CASK: variants seen among roughly 807,000 people sequenced by gnomAD.
The protein encoded by CASK is calcium/calmodulin dependent serine protein kinase.
CASK carries 4 observed loss-of-function variants against 82.9 expected under a neutral mutation model. The observed-to-expected ratio is 0.05, with a 90% CI of 0.02 to 0.11. CASK has a LOEUF of 0.11. Among genes scored for constraint, CASK ranks in the 10% least tolerant of loss-of-function variants. The probability of loss-of-function intolerance (pLI) is 1.00; values close to 1 mark genes in which losing one functional copy is unlikely to be tolerated. For missense variants in CASK, 358 were observed against 720.9 expected (o/e 0.50, Z 5.76); for synonymous variants, 259 against 253.5 (o/e 1.02, Z -0.20).
At chrX:41,647,724 AAATT>A (rs1202751664) in intron 8 of CASK, among the ~76,000 whole-genome samples, 1 of 112,002 alleles carries the variant, frequency 8.9e-6, no homozygotes, top group East Asian at 2.8e-4. Context: ...TTAGTTCCCC[AAATT>A]AATACTTTTG....
intron 5 of CASK, chrX:41,695,750 A>C (rs2067675010): frequency 2.5e-6 from 3 of 1,209,890 alleles, no homozygotes; most frequent in Admixed American, 4.3e-5. Flanking sequence ...ACTTCTCAGC[A>C]ACACCAAATG....
intron 5 of CASK, among the ~76,000 whole-genome samples, chrX:41,711,301 C>A (rs1370115551): frequency 1.8e-5 from 2 of 112,233 alleles, no homozygotes; most frequent in Admixed American, 1.9e-4. Flanking sequence ...GGGGAGAAAT[C>A]CCCACACATT....
chrX:41,733,346 G>C (rs746603543), intron 5 of CASK, among the ~76,000 whole-genome samples: 2 of 111,282 alleles, frequency 1.8e-5, no homozygotes, highest in South Asian at 3.8e-4. Context: ...TAATCCATGA[G>C]ATCTTCCTAA....
intron 5 of CASK, among the ~76,000 whole-genome samples, chrX:41,736,176 G>A (rs1041212757): frequency 3.6e-5 from 4 of 112,210 alleles, no homozygotes; most frequent in Non-Finnish European, 3.8e-5. Context: ...ATGTAAAAAT[G>A]TGTGGATTTC....
chrX:41,540,161 G>A (rs1305293610), intron 22 of CASK, among the ~76,000 whole-genome samples: 1 of 111,816 alleles, frequency 8.9e-6, no homozygotes, highest in African/African-American at 3.2e-5. Flanking sequence ...ATGCCCAGAC[G>A]GCCGCTGGTT....
At chrX:41,698,618 G>A (rs903470988) in intron 5 of CASK, among the ~76,000 whole-genome samples, 3 of 111,795 alleles carry the variant, frequency 2.7e-5, no homozygotes, top group Admixed American at 9.6e-5. Flanking sequence ...ACACCATACA[G>A]TTGCAATCTA....
intron 2 of CASK, among the ~76,000 whole-genome samples, chrX:41,817,518 C>G (rs1029474715): frequency 9.0e-6 from 1 of 111,690 alleles, no homozygotes; most frequent in South Asian, 3.7e-4. Context: ...ATTAGAACTA[C>G]AGGTTGAATA....
chrX:41,677,684 A>G (rs940440015), intron 5 of CASK, among the ~76,000 whole-genome samples: 2 of 111,945 alleles, frequency 1.8e-5, no homozygotes, highest in Non-Finnish European at 3.8e-5. Context: ...GTCTTACTGT[A>G]GTAAAAATGG....
intron 18 of CASK, 47 bp downstream of exon 18, chrX:41,559,728 CAGTT>C (rs777680088): frequency 1.1e-5 from 12 of 1,047,670 alleles, no homozygotes; most frequent in South Asian, 5.7e-5. Context: ...CATCAGCAGA[CAGTT>C]AGTTAAGAAC....
At chrX:41,572,037 C>A (rs1251309751) in intron 15 of CASK, among the ~76,000 whole-genome samples, 3 of 109,923 alleles carry the variant, frequency 2.7e-5, no homozygotes, top group African/African-American at 9.9e-5. Flanking sequence ...GCTACTCCAG[C>A]TACCTTTTGA....
At chrX:41,701,339 C>A (rs1201514222) in intron 5 of CASK, among the ~76,000 whole-genome samples, 1 of 111,895 alleles carries the variant, frequency 8.9e-6, no homozygotes, top group African/African-American at 3.2e-5. Context: ...AATTTAGATT[C>A]TTTGTCCCAA....
intron 1 of CASK, among the ~76,000 whole-genome samples, chrX:41,877,753 T>C (rs1008808203): frequency 6.3e-5 from 7 of 111,384 alleles, no homozygotes; most frequent in Non-Finnish European, 1.3e-4. Flanking sequence ...AAAACTATCT[T>C]AAGAAATCAT....
intron 3 of CASK, among the ~76,000 whole-genome samples, chrX:41,769,873 A>G (rs775511687): frequency 2.7e-5 from 3 of 111,392 alleles, no homozygotes; most frequent in Non-Finnish European, 5.7e-5. Context: ...TGAGCCCAGG[A>G]GGTAGAAGCT....
At chrX:41,868,329 G>GT (rs1381042221) in intron 1 of CASK, among the ~76,000 whole-genome samples, 6 of 112,022 alleles carry the variant, frequency 5.4e-5, no homozygotes, top group African/African-American at 1.9e-4. Flanking sequence ...AGAACAAGAT[G>GT]TTTTAACATG....
At chrX:41,806,194 G>A (rs2147871038) in intron 2 of CASK, among the ~76,000 whole-genome samples, 1 of 111,934 alleles carries the variant, frequency 8.9e-6, no homozygotes, top group South Asian at 3.7e-4. Context: ...GGACTGTCTG[G>A]TATATTCTGA....
chrX:41,886,363 G>C (rs1039180786), intron 1 of CASK, among the ~76,000 whole-genome samples: 1 of 111,373 alleles, frequency 9.0e-6, no homozygotes, highest in East Asian at 2.8e-4. Flanking sequence ...GGAACCCCTC[G>C]GAACGTCTAG....
In CASK at chrX:41,757,490, A is replaced by C. The variant is rs17146131; in HGVS notation, c.279-11889T>G. On this transcript the variant is annotated intron_variant, in intron 3 of 26. Coordinates refer to ENST00000378163, the MANE Select transcript of CASK (RefSeq NM_001367721.1). ...AATCTGTACCTCTCTACGGTCATTT[A>C]GACCTACACTACAAGTTGTTTGTTT... is the stretch of plus-strand genomic sequence containing the variant. 9.7e-3 allele frequency among the ~76,000 whole-genome samples: 1,086 copies of C among 112,059 alleles called. 16 individuals carry two copies. Among genetic ancestry groups the C allele is most frequent in the African/African-American group, 0.033 (1,031 of 30,814 alleles).
chrX:41,857,788 C>A (rs1211087344), intron 1 of CASK, among the ~76,000 whole-genome samples: 1 of 112,220 alleles, frequency 8.9e-6, no homozygotes, highest in African/African-American at 3.2e-5. Flanking sequence ...CATGTCCATA[C>A]ACACACTGCT....
At chrX:41,914,494 G>A (rs1275929170) in intron 1 of CASK, among the ~76,000 whole-genome samples, 5 of 112,207 alleles carry the variant, frequency 4.5e-5, no homozygotes, top group Non-Finnish European at 9.4e-5. Flanking sequence ...AATAGCCAAT[G>A]AACAAATTTA....
Sources: allele counts gnomAD v4.1 joint callset (sites outside exome capture counted in the v4.1 genomes callset), GRCh38; gene constraint gnomAD v4.1.1; transcripts MANE v1.5; gene names NCBI Gene and HGNC (gene_info 2026-07-23, HGNC 2026-07-21).